Variants in DSCAML1 observed in about 807,000 individuals in gnomAD.
DSCAML1 encodes cell adhesion molecule DSCAML1.
A neutral mutation model predicts 200.5 loss-of-function variants in DSCAML1; 38 were observed. The ratio of observed to expected loss-of-function variants is 0.19; its 90% CI spans 0.15 to 0.25. The LOEUF is 0.25. Among genes scored for constraint, DSCAML1 ranks in the 10% least tolerant of loss-of-function variants. DSCAML1 has a pLI of 1.00. For synonymous variants in DSCAML1, 1,215 were observed against 1,165.0 expected (o/e 1.04, Z -0.87); for missense variants, 2,223 against 2,858.8 (o/e 0.78, Z 5.07).
intron 16 of DSCAML1, among the ~76,000 whole-genome samples, chr11:117,467,400 C>T (rs900894290): frequency 6.6e-6 from 1 of 152,228 alleles, no homozygotes; most frequent in Non-Finnish European, 1.5e-5. Context: ...CATTTAAAAA[C>T]AGCTTGAATC....
At chr11:117,531,466 A>C (rs2050075163) in intron 4 of DSCAML1, among the ~76,000 whole-genome samples, 1 of 152,200 alleles carries the variant, frequency 6.6e-6, no homozygotes, top group Admixed American at 6.5e-5. Context: ...AGAAGCTATA[A>C]TCACCCCAAA....
At position 117,471,977 on chromosome 11, in the gene DSCAML1, T is replaced by C; in HGVS notation, c.2845A>G (p.Ile949Val). The C allele has an allele frequency of 6.2e-7, 1 of 1,614,138 alleles. No individual in the cohort carries two copies. The highest frequency in any genetic ancestry group is 8.5e-7 in the Non-Finnish European group (1 of 1,180,018). The part of the protein sequence containing the change: ...NISPTINQAN[I>V]VDLHPASVYS... ...ACAGATGCCGGGTGCAAGTCCACAA[T>C]GTTGGCCTGGTTGATGGTGGGGGAG... Residue 949 changes from isoleucine to valine, a missense_variant, in exon 15 of 33, where the codon ATT becomes GTT. Coordinates refer to ENST00000651296, the MANE Select transcript of DSCAML1 (RefSeq NM_020693.4).
At chr11:117,535,754 G>A (rs909042606) in intron 3 of DSCAML1, among the ~76,000 whole-genome samples, 3 of 152,102 alleles carry the variant, frequency 2.0e-5, no homozygotes, top group Non-Finnish European at 2.9e-5. Flanking sequence ...TGATGGTGGG[G>A]TGAGGAAAAG....
intron 3 of DSCAML1, among the ~76,000 whole-genome samples, chr11:117,604,573 G>T (rs2137516185): frequency 6.6e-6 from 1 of 152,350 alleles, no homozygotes; most frequent in South Asian, 2.1e-4. Context: ...TGTGTGGCAA[G>T]GCGGCCAGCT....
At chr11:117,674,646 C>G (rs2053175183) in intron 3 of DSCAML1, among the ~76,000 whole-genome samples, 1 of 152,136 alleles carries the variant, frequency 6.6e-6, no homozygotes, top group African/African-American at 2.4e-5. Flanking sequence ...CATGAGGCAC[C>G]CGACTAAGCA....
chr11:117,687,426 A>ATTTTAAAT (rs552784985), intron 3 of DSCAML1, among the ~76,000 whole-genome samples: 5 of 97,646 alleles, frequency 5.1e-5, no homozygotes, highest in Non-Finnish European at 3.9e-5. Flanking sequence ...ATGCCTGGCT[A>ATTTTAAAT]TTTTTTTTTT....
intron 3 of DSCAML1, among the ~76,000 whole-genome samples, chr11:117,726,010 A>T (rs555915258): frequency 6.6e-6 from 1 of 152,262 alleles, no homozygotes; most frequent in African/African-American, 2.4e-5. Flanking sequence ...AGTGCCTGAC[A>T]TCCTCAGCCC....
At chr11:117,641,826 A>C (rs1441121582) in intron 3 of DSCAML1, among the ~76,000 whole-genome samples, 2 of 152,108 alleles carry the variant, frequency 1.3e-5, no homozygotes, top group East Asian at 3.9e-4. Context: ...GGAAACACGC[A>C]TCTATGGTGC....
At chr11:117,440,624 G>GGT in intron 21 of DSCAML1, among the ~76,000 whole-genome samples, 1 of 152,136 alleles carries the variant, frequency 6.6e-6, no homozygotes. Context: ...TATAAGAAGT[G>GGT]GTGTTGGACA....
intron 3 of DSCAML1, among the ~76,000 whole-genome samples, chr11:117,760,647 G>T (rs1304012417): frequency 6.6e-6 from 1 of 152,168 alleles, no homozygotes; most frequent in Non-Finnish European, 1.5e-5. Flanking sequence ...TCACAAACAT[G>T]GCTACGATGA....
At chr11:117,698,515 T>C (rs953741797) in intron 3 of DSCAML1, among the ~76,000 whole-genome samples, 4 of 152,214 alleles carry the variant, frequency 2.6e-5, no homozygotes, top group African/African-American at 9.6e-5. Flanking sequence ...CAATTTTACA[T>C]TCCCATCAAT....
At chr11:117,760,060 A>G (rs2054772552) in intron 3 of DSCAML1, among the ~76,000 whole-genome samples, 1 of 152,104 alleles carries the variant, frequency 6.6e-6, no homozygotes, top group African/African-American at 2.4e-5. Context: ...CGCTTTCACC[A>G]ACAACCTCCT....
At chr11:117,607,958 A>C (rs2051605414) in intron 3 of DSCAML1, among the ~76,000 whole-genome samples, 1 of 152,222 alleles carries the variant, frequency 6.6e-6, no homozygotes, top group Non-Finnish European at 1.5e-5. Flanking sequence ...AAGATGGTTT[A>C]AATTGTCTTT....
At chr11:117,756,361 G>T (rs766663231) in intron 3 of DSCAML1, among the ~76,000 whole-genome samples, 16 of 152,214 alleles carry the variant, frequency 1.1e-4, no homozygotes, top group Non-Finnish European at 1.5e-5. Context: ...AAACCAGGAA[G>T]AAGGCTGAGG....
At chr11:117,500,951 TA>T (rs1049624126) in intron 11 of DSCAML1, among the ~76,000 whole-genome samples, 13 of 152,100 alleles carry the variant, frequency 8.5e-5, no homozygotes, top group African/African-American at 2.2e-4. Flanking sequence ...CCGAGTGTAT[TA>T]GGGGCATTGA....
rs533506037 is a variant in DSCAML1, at chr11:117,597,414, C to T, written c.512-64892G>A. ...CTCAACCTGAGTTAGAGACCAAGGT[C>T]CTTGCCAGCCTGCAAGAAGGAGGAC... On this transcript the variant is annotated intron_variant, in intron 3 of 32. Transcript: ENST00000651296. Among the ~76,000 whole-genome samples the T allele has an allele frequency of 2.4e-3, 372 of 152,288 alleles. 1 individual carries two copies. The highest frequency in any genetic ancestry group is 4.3e-3 in the Non-Finnish European group (290 of 68,028).
At chr11:117,471,803 G>GCCAGTGAACAGGT in intron 15 of DSCAML1, 66 bp downstream of exon 15, 1 of 1,226,134 alleles carries the variant, frequency 8.2e-7, no homozygotes, top group Non-Finnish European at 1.1e-6. Context: ...GAACAGGATC[G>GCCAGTGAACAGGT]CTGTAGGCCC....
intron 3 of DSCAML1, among the ~76,000 whole-genome samples, chr11:117,616,121 C>A (rs2051806402): frequency 6.6e-6 from 1 of 152,168 alleles, no homozygotes; most frequent in African/African-American, 2.4e-5. Context: ...CATCATCAGT[C>A]CGATTGGCCA....
At chr11:117,649,001 T>C (rs1455622428) in intron 3 of DSCAML1, among the ~76,000 whole-genome samples, 1 of 151,516 alleles carries the variant, frequency 6.6e-6, no homozygotes, top group Non-Finnish European at 1.5e-5. Flanking sequence ...AATGCTTTAC[T>C]TATCTCTCTC....
Sources: gnomAD v4.1 joint callset for allele counts (sites outside exome capture counted in the v4.1 genomes callset) on GRCh38, gnomAD v4.1.1 for gene constraint, MANE v1.5 for transcripts, NCBI Gene and HGNC (gene_info 2026-07-23, HGNC 2026-07-21) for gene names.